The following OBI1 variants were observed in gnomAD, a reference collection of about 807,000 sequenced individuals.
OBI1 encodes the protein ORC ubiquitin ligase 1, also known as ring finger protein 219.
Under a neutral mutation model 62.4 loss-of-function variants are expected in OBI1, and 59 were observed. That is an observed-to-expected ratio of 0.95 (90% CI 0.77 to 1.17). The LOEUF (loss-of-function observed/expected upper bound fraction) is 1.17, where lower values mean the gene tolerates loss of function less well. Ranked by LOEUF, OBI1 falls within the 50% of genes most tolerant of loss-of-function variation. OBI1 has a pLI of 0.00. For synonymous variants in OBI1, 302 were observed against 292.8 expected (o/e 1.03, Z -0.32); for missense variants, 875 against 830.9 (o/e 1.05, Z -0.65).
At chr13:78,643,728 C>A (rs978567787) in intron 2 of OBI1, among the ~76,000 whole-genome samples, 10 of 151,796 alleles carry the variant, frequency 6.6e-5, no homozygotes, top group African/African-American at 2.2e-4. Context: ...GCAGAGGTTG[C>A]GGTGAGCCGA....
intron 3 of OBI1, among the ~76,000 whole-genome samples, chr13:78,641,184 G>A (rs1275681731): frequency 1.3e-5 from 2 of 152,130 alleles, no homozygotes; most frequent in South Asian, 4.1e-4. Context: ...TTTACCATCT[G>A]AGTATGATAA....
intron 1 of OBI1, among the ~76,000 whole-genome samples, chr13:78,651,574 T>C (rs1334396157): frequency 6.6e-6 from 1 of 152,130 alleles, no homozygotes; most frequent in Non-Finnish European, 1.5e-5. Flanking sequence ...ATTTCTCAGC[T>C]TGATATATCC....
rs1875247492 is a variant in OBI1 at position 78,615,721 on chromosome 13, G to C, written c.2040C>G (p.His680Gln). Reference protein sequence around the residue: ...SSLFKMSSEMHSLHNHLQSPW... With the variant: ...SSLFKMSSEMQSLHNHLQSPW... ...GAGACTGAAGGTGGTTATGAAGACT[G>C]TGCATCTCTGAGGACATCTTAAACA... Residue 680 changes from histidine to glutamine, a missense_variant, in exon 6 of 6, where the codon CAC becomes CAG. Transcript: ENST00000282003. 1 of 1,614,092 alleles carries C rather than the reference G, an allele frequency of 6.2e-7. No individual in the cohort carries two copies. The highest frequency in any genetic ancestry group is 1.7e-5 in the Admixed American group (1 of 60,028).
Position 78,616,724 on chromosome 13 carries a change from T to C in OBI1, c.1037A>G (p.Gln346Arg). ...ATCTAACATTACTTCTACCTGTTCT[T>C]GATATAGGTCTTTGTTCTTAGAACA... ...LNCSKNKDLY[Q>R]EQVEVMLDVT... Residue 346 changes from glutamine (Q) to arginine (R), a missense_variant, in exon 6 of 6, where the codon CAA (glutamine) becomes CGA (arginine). By Grantham distance (43) the Gln-to-Arg change is conservative (BLOSUM62 1). Transcript: ENST00000282003. 1.2e-6 allele frequency: 2 copies of C among 1,614,156 alleles called. No homozygotes were observed. Among genetic ancestry groups the C allele is most frequent in the Non-Finnish European group, 1.7e-6 (2 of 1,179,996 alleles).
At position 78,616,397 on chromosome 13, in the gene OBI1, TTC is replaced by T. The variant is rs1875289594; in HGVS notation, c.1362_1363del (p.Lys455IlefsTer26). On this transcript the variant is annotated frameshift_variant, in exon 6 of 6. Coordinates refer to ENST00000282003, the MANE Select transcript of OBI1 (RefSeq NM_024546.4). LOFTEE classifies it high-confidence loss of function. The stretch of plus-strand genomic sequence containing the variant: ...CTTTGGGGAAGAAAAACATTCTGAT[TTC>T]TTTTCATTTTCACTTCTACTTATAT... The T allele has an allele frequency of 1.2e-6, 2 of 1,613,012 alleles. No homozygotes were observed. Among genetic ancestry groups the T allele is most frequent in the Non-Finnish European group, 1.7e-6 (2 of 1,179,454 alleles).
In OBI1 at chr13:78,639,059, A is replaced by C; in HGVS notation, c.313T>G (p.Cys105Gly). 1 of 1,612,714 alleles carries C rather than the reference A, an allele frequency of 6.2e-7. No homozygotes were observed. The highest frequency in any genetic ancestry group is 8.5e-7 in the Non-Finnish European group (1 of 1,179,546). The change falls in exon 4 of 6, where the codon TGT becomes GGT. Residue 105 changes from cysteine (C) to glycine (G), a missense_variant. Cys to Gly is a radical substitution (Grantham distance 159, BLOSUM62 -3). Transcript: ENST00000282003. ...LHKEYEDEID[C>G]LQKEVEELKS... ...AGCTCTTCTACTTCTTTCTGTAAAC[A>C]ATCTATTTCGTCCTGAAAAAGCATT... is the stretch of plus-strand genomic sequence containing the variant.
chr13:78,636,603 G>C (rs1457115280), intron 4 of OBI1, among the ~76,000 whole-genome samples: 1 of 152,152 alleles, frequency 6.6e-6, no homozygotes, highest in Non-Finnish European at 1.5e-5. Context: ...CCCTGACTTA[G>C]ACCCATCCAG....
intron 5 of OBI1, among the ~76,000 whole-genome samples, chr13:78,630,968 C>G (rs1326997354): frequency 6.6e-6 from 1 of 152,166 alleles, no homozygotes; most frequent in Admixed American, 6.5e-5. Flanking sequence ...TCTAAAATAT[C>G]TTTCAACAGT....
Position 78,616,985 on chromosome 13 carries a change from T to C in OBI1, c.776A>G (p.Asn259Ser), listed in dbSNP as rs563066075. 7 of 1,614,192 alleles carry C rather than the reference T, an allele frequency of 4.3e-6. No homozygotes were observed. The African/African-American group carries it at 5.3e-5, about 12-fold the overall frequency. The change falls in exon 6 of 6, where the codon AAT becomes AGT. Residue 259 changes from asparagine to serine, a missense_variant. Asn to Ser is a conservative substitution (Grantham distance 46, BLOSUM62 1). Coordinates refer to ENST00000282003, the MANE Select transcript of OBI1 (RefSeq NM_024546.4). ...CATAGCTTCTTTCTCTTCACTTGAATTTTTTAGCTGTGCAACTTGAGATTC... is the reference window on the plus strand; with the variant it reads ...CATAGCTTCTTTCTCTTCACTTGAACTTTTTAGCTGTGCAACTTGAGATTC... ...ELESQVAQLKNSSEEKEAMNS... is the reference protein window; with the variant it reads ...ELESQVAQLKSSSEEKEAMNS...
At position 78,637,930 on chromosome 13, in the gene OBI1, G is replaced by C. The variant is rs1176298100; in HGVS notation, c.549+893C>G. Among the ~76,000 whole-genome samples, 3 of 152,080 alleles carry C rather than the reference G, an allele frequency of 2.0e-5. No homozygotes were observed. In the East Asian group the frequency reaches 5.8e-4, roughly 29 times the overall value. On this transcript the variant is annotated intron_variant, in intron 4 of 5. Transcript: ENST00000282003. The stretch of plus-strand genomic sequence containing the variant: ...GAGGACCTGAGAGCCAATATACAGG[G>C]GAACTCCTTTAAAATACCATATGGA...
chr13:78,655,030 A>T (rs10467414), intron 1 of OBI1, among the ~76,000 whole-genome samples: 1 of 152,252 alleles, frequency 6.6e-6, no homozygotes, highest in African/African-American at 2.4e-5. Context: ...AATATGATAC[A>T]TTAATGCTGA....
intron 5 of OBI1, among the ~76,000 whole-genome samples, chr13:78,623,763 AAC>A (rs1875584476): frequency 6.6e-6 from 1 of 152,250 alleles, no homozygotes; most frequent in South Asian, 2.1e-4. Context: ...GGCTAATAGA[AAC>A]ACAGAGGAAA....
At chr13:78,633,154 T>C (rs1306507016) in intron 5 of OBI1, among the ~76,000 whole-genome samples, 1 of 152,210 alleles carries the variant, frequency 6.6e-6, no homozygotes, top group Non-Finnish European at 1.5e-5. Flanking sequence ...TTACTGTGAC[T>C]GGCAAGGCAA....
rs777662510 is a variant in OBI1, at chr13:78,635,170, C to A, written c.578G>T (p.Gly193Val). ...TCGTAAATTCTCCCTCACCAGACCA[C>A]CATTTTCCAATTTCAATTTTTTATT... ...EANKKLKLEN[G>V]GLVRENLRLK... Residue 193 changes from glycine (G) to valine (V), a missense_variant, in exon 5 of 6, where the codon GGT becomes GTT. Coordinates refer to ENST00000282003, the MANE Select transcript of OBI1 (RefSeq NM_024546.4). The A allele has an allele frequency of 6.2e-7, 1 of 1,608,908 alleles. No individual in the cohort carries two copies. The highest frequency in any genetic ancestry group is 1.7e-5 in the Admixed American group (1 of 59,452).
At chr13:78,634,364 G>C (rs771953538) in intron 5 of OBI1, among the ~76,000 whole-genome samples, 2 of 151,742 alleles carry the variant, frequency 1.3e-5, no homozygotes, top group African/African-American at 4.8e-5. Flanking sequence ...GCATGATCTC[G>C]GCCCAATGCA....
At position 78,645,556 on chromosome 13, in the gene OBI1, GC is replaced by G. The variant is rs148017949; in HGVS notation, c.73-560del. Reference sequence around the variant, plus strand: ...TCTCAAGTAGTTTATAATCTAAACAGCAAACAATGCAGACAGAATTACTGAG... The same window carrying G: ...TCTCAAGTAGTTTATAATCTAAACAGAAACAATGCAGACAGAATTACTGAG... On this transcript the variant is annotated intron_variant, in intron 1 of 5. Transcript: ENST00000282003. Among the ~76,000 whole-genome samples the G allele has an allele frequency of 6.3e-3, 961 of 152,338 alleles. 17 individuals are homozygous for G. The highest frequency in any genetic ancestry group is 0.022 in the African/African-American group (906 of 41,574).
At chr13:78,654,524 G>C (rs1475001830) in intron 1 of OBI1, among the ~76,000 whole-genome samples, 1 of 152,168 alleles carries the variant, frequency 6.6e-6, no homozygotes, top group Non-Finnish European at 1.5e-5. Context: ...CAAGTGAACA[G>C]TGATTAATGA....
intron 1 of OBI1, among the ~76,000 whole-genome samples, chr13:78,653,654 A>G (rs1593802863): frequency 6.6e-6 from 1 of 152,190 alleles, no homozygotes; most frequent in African/African-American, 2.4e-5. Flanking sequence ...GAGATCCTGG[A>G]CACTGATGGA....
At chr13:78,655,031 T>C (rs576401899) in intron 1 of OBI1, among the ~76,000 whole-genome samples, 1 of 152,368 alleles carries the variant, frequency 6.6e-6, no homozygotes, top group East Asian at 1.9e-4. Flanking sequence ...ATATGATACA[T>C]TAATGCTGAA....
Sources: allele counts gnomAD v4.1 joint callset (sites outside exome capture counted in the v4.1 genomes callset), GRCh38; gene constraint gnomAD v4.1.1; transcripts MANE v1.5; gene names NCBI Gene and HGNC (gene_info 2026-07-23, HGNC 2026-07-21).